Variants in PCDH11Y observed in about 807,000 individuals in gnomAD.
The protein encoded by PCDH11Y is protocadherin 11 Y-linked, also known as protocadherin-11 Y-linked.
For synonymous variants in PCDH11Y, 9 were observed against 83.6 expected, an observed-to-expected ratio of 0.11 and a Z score of 4.87; for missense variants, 12 against 224.8, an observed-to-expected ratio of 0.05 and a Z score of 6.05.
At chrY:5,695,614 G>T (rs2053571825) in intron 4 of PCDH11Y, among the ~76,000 whole-genome samples, 1 of 23,213 alleles carries the variant, frequency 4.3e-5, no homozygotes. Flanking sequence ...ACACAAATTA[G>T]TTTCTTGTTT....
intron 1 of PCDH11Y, among the ~76,000 whole-genome samples, chrY:5,075,182 TA>T (rs2052706175): frequency 3.0e-5 from 1 of 33,819 alleles, no homozygotes; most frequent in Non-Finnish European, 7.4e-5. Flanking sequence ...AAGCGTTTTT[TA>T]AGCTAATGTT....
rs1270214465 is a variant in PCDH11Y, at chrY:5,047,384, G to A, written c.33-9505G>A. Among the ~76,000 whole-genome samples, 5 of 31,613 alleles carry A rather than the reference G, an allele frequency of 1.6e-4. No homozygotes were observed. The East Asian group carries it at 4.2e-3, about 27-fold the overall frequency. 84.8% of individuals were successfully genotyped at this position (31,613 alleles called of 37,273 possible). ...GAGCTCAATCTTTGTGTATTACGTA[G>A]GGAGTTGTCTTGAGAAACGTCTAAT... On this transcript the variant is annotated intron_variant, in intron 3 of 5. Transcript: ENST00000333703.
At chrY:5,483,467 A>G in intron 2 of PCDH11Y, among the ~76,000 whole-genome samples, 1 of 33,577 alleles carries the variant, frequency 3.0e-5, no homozygotes, top group Admixed American at 2.7e-4. Flanking sequence ...AAATTAGCAT[A>G]ATTATATTGT....
exon 5 of PCDH11Y, chrY:5,739,222 C>A: frequency 3.1e-5 from 1 of 32,717 alleles, no homozygotes; most frequent in Admixed American, 2.8e-4. Flanking sequence ...AGAACAAAAA[C>A]CATCAAAATC....
chrY:5,299,474 A>G (rs2053079446), intron 2 of PCDH11Y, among the ~76,000 whole-genome samples: 1 of 31,358 alleles, frequency 3.2e-5, no homozygotes, highest in East Asian at 8.3e-4. Flanking sequence ...ATATTATTCC[A>G]TCGCTCAAAA....
intron 2 of PCDH11Y, among the ~76,000 whole-genome samples, chrY:5,346,095 A>G: frequency 2.9e-5 from 1 of 34,051 alleles, no homozygotes; most frequent in Non-Finnish European, 7.3e-5. Flanking sequence ...CTCATCTAAT[A>G]TGTGTGTACT....
chrY:5,581,887 T>C, intron 4 of PCDH11Y, 89 bp downstream of exon 5: 1 of 287,812 alleles, frequency 3.5e-6, no homozygotes, highest in Non-Finnish European at 4.7e-6. Flanking sequence ...CTGTTTACCT[T>C]TTTGCTACTC....
chrY:5,013,706 C>G (rs2124618762), intron 1 of PCDH11Y, among the ~76,000 whole-genome samples: 1 of 33,451 alleles, frequency 3.0e-5, no homozygotes, highest in African/African-American at 1.2e-4. Flanking sequence ...AAATAAGCAT[C>G]ATGATTCAGA....
intron 3 of PCDH11Y, chrY:5,573,499 G>C: frequency 3.1e-6 from 1 of 318,045 alleles, no homozygotes; most frequent in Non-Finnish European, 4.7e-6. Context: ...GAGAAGAAGG[G>C]ACCCCAGGTC....
intron 2 of PCDH11Y, among the ~76,000 whole-genome samples, chrY:5,349,271 C>G: frequency 3.1e-5 from 1 of 32,296 alleles, no homozygotes; most frequent in African/African-American, 1.2e-4. Flanking sequence ...CCAAGGTTTT[C>G]AAGACAAACA....
intron 2 of PCDH11Y, among the ~76,000 whole-genome samples, chrY:5,240,353 A>G: frequency 3.0e-5 from 1 of 33,042 alleles, no homozygotes; most frequent in South Asian, 6.7e-4. Flanking sequence ...TCTTGTCAAT[A>G]TTGATATTTT....
chrY:5,092,496 T>C, intron 1 of PCDH11Y, among the ~76,000 whole-genome samples: 1 of 32,953 alleles, frequency 3.0e-5, no homozygotes, highest in East Asian at 8.1e-4. Context: ...ATTGAATATA[T>C]AAGCAACAGT....
intron 4 of PCDH11Y, among the ~76,000 whole-genome samples, chrY:5,620,719 CT>C (rs2053498559): frequency 3.0e-5 from 1 of 33,515 alleles, no homozygotes; most frequent in South Asian, 6.8e-4. Flanking sequence ...ATCATGCTGG[CT>C]TCATCCCTGG....
chrY:5,371,569 A>G, intron 2 of PCDH11Y, among the ~76,000 whole-genome samples: 1 of 33,313 alleles, frequency 3.0e-5, no homozygotes, highest in Non-Finnish European at 7.4e-5. Flanking sequence ...TGAAGTTTGG[A>G]TAATTTGGAA....
intron 2 of PCDH11Y, among the ~76,000 whole-genome samples, chrY:5,160,213 T>C (rs2052873594): frequency 3.5e-5 from 1 of 28,340 alleles, no homozygotes; most frequent in Non-Finnish European, 8.3e-5. Context: ...AGTTTAGCTA[T>C]AGGCAAAATA....
At chrY:5,272,414 C>T (rs1602897661) in intron 2 of PCDH11Y, among the ~76,000 whole-genome samples, 1 of 30,530 alleles carries the variant, frequency 3.3e-5, no homozygotes, top group East Asian at 8.7e-4. Context: ...AAAAAGCAAG[C>T]CTTATCCAGC....
At chrY:5,452,267 T>C (rs2053293863) in intron 2 of PCDH11Y, among the ~76,000 whole-genome samples, 1 of 33,744 alleles carries the variant, frequency 3.0e-5, no homozygotes, top group African/African-American at 1.1e-4. Flanking sequence ...TTAAATCACC[T>C]TTTCAAATAA....
chrY:5,493,122 G>C, intron 2 of PCDH11Y, among the ~76,000 whole-genome samples: 1 of 32,901 alleles, frequency 3.0e-5, no homozygotes. Flanking sequence ...ACTTTTTGTT[G>C]CATTTTTTAC....
At chrY:5,462,664 T>G (rs2053304698) in intron 2 of PCDH11Y, among the ~76,000 whole-genome samples, 1 of 31,674 alleles carries the variant, frequency 3.2e-5, no homozygotes, top group African/African-American at 1.2e-4. Flanking sequence ...GAGACGGAGT[T>G]TCGCTCTTGT....
Sources: gnomAD v4.1 joint callset for allele counts (sites outside exome capture counted in the v4.1 genomes callset) on GRCh38, gnomAD v4.1.1 for gene constraint, MANE v1.5 for transcripts, NCBI Gene and HGNC (gene_info 2026-07-23, HGNC 2026-07-21) for gene names.